The following XIST variants were observed in gnomAD, a reference collection of about 807,000 sequenced individuals.
The protein encoded by XIST is X inactive specific transcript.
chrX:73,839,132 A>G (rs1223557699), intron 1 of XIST, among the ~76,000 whole-genome samples: 1 of 111,784 alleles, frequency 8.9e-6, no homozygotes, highest in Non-Finnish European at 1.9e-5. Context: ...TTCAAGCTGT[A>G]CATTTGATAA....
At chrX:73,820,848 T>C in exon 6 of XIST, 1 of 558,951 alleles carries the variant, frequency 1.8e-6, no homozygotes, top group Admixed American at 2.2e-5. Context: ...GAGTCTTCCA[T>C]TTATCTTAGC....
exon 1 of XIST, chrX:73,846,657 C>A (rs780151604): frequency 9.9e-5 from 55 of 557,541 alleles, no homozygotes; most frequent in Non-Finnish European, 1.6e-4. Context: ...GCACTTCCTG[C>A]TGGAAGGGAA....
rs775391701 is a variant in XIST, at chrX:73,825,882, GA to G, written n.14018del. The G allele has an allele frequency of 3.8e-5, 21 of 558,588 alleles. No individual in the cohort carries two copies. In the Admixed American group the frequency reaches 3.8e-4, roughly 10 times the overall value. The allele number at this position is 558,588 out of a possible 1,213,427, so 46.0% of individuals were successfully genotyped here. The stretch of plus-strand genomic sequence containing the variant: ...AATCAACTTCCCACATAAACAGGAA[GA>G]AAAAAATCAAGGAAAGTATTAAACA... On this transcript the variant is annotated non_coding_transcript_exon_variant, in exon 6 of 6. Transcript: ENST00000429829.
chrX:73,829,381 A>G (rs1018722171), intron 4 of XIST: 1 of 415,081 alleles, frequency 2.4e-6, no homozygotes, highest in African/African-American at 2.5e-5. Flanking sequence ...CTTTAGAGAG[A>G]AAATTTCCTC....
At chrX:73,824,536 T>C in exon 6 of XIST, 1 of 555,304 alleles carries the variant, frequency 1.8e-6, no homozygotes, top group Non-Finnish European at 3.3e-6. Flanking sequence ...ATTTAACAGG[T>C]ATTTAAACCC....
At chrX:73,845,697 G>A (rs769110885) in exon 1 of XIST, 5 of 552,850 alleles carry the variant, frequency 9.0e-6, no homozygotes, top group South Asian at 6.7e-5. Flanking sequence ...GCACATTAAT[G>A]TCCAATAATG....
chrX:73,832,106 G>A (rs905322810), intron 3 of XIST, among the ~76,000 whole-genome samples: 1 of 111,822 alleles, frequency 8.9e-6, no homozygotes, highest in Non-Finnish European at 1.9e-5. Context: ...AGGTCGAGGC[G>A]GGTGAATCAC....
At chrX:73,849,209 G>A (rs1332573711) in exon 1 of XIST, 1 of 557,463 alleles carries the variant, frequency 1.8e-6, no homozygotes. Context: ...AATTGTCCAA[G>A]AACAGCAGGA....
chrX:73,826,461 T>C (rs1361608142), exon 6 of XIST: 1 of 556,723 alleles, frequency 1.8e-6, no homozygotes, highest in Non-Finnish European at 3.2e-6. Flanking sequence ...GCCTAACAAA[T>C]AGGTAAAAGC....
chrX:73,824,177 T>A, exon 6 of XIST: 1 of 516,330 alleles, frequency 1.9e-6, no homozygotes, highest in East Asian at 3.6e-5. Flanking sequence ...ATAAAGATGG[T>A]TTATCTTTGC....
At chrX:73,823,001 G>C (rs765303431) in exon 6 of XIST, 3 of 554,560 alleles carry the variant, frequency 5.4e-6, no homozygotes, top group Non-Finnish European at 6.5e-6. Flanking sequence ...CTTAAGAACA[G>C]CACTTTATTC....
exon 1 of XIST, chrX:73,850,959 G>C (rs774908808): frequency 2.0e-5 from 11 of 557,377 alleles, no homozygotes; most frequent in Non-Finnish European, 3.2e-5. Flanking sequence ...CCGCCCACTG[G>C]GAGACATACA....
At chrX:73,841,708 T>C (rs1002317402) in exon 1 of XIST, 5 of 515,271 alleles carry the variant, frequency 9.7e-6, no homozygotes, top group African/African-American at 6.9e-5. Flanking sequence ...ACTCGTCTTA[T>C]CATTTTTAAG....
chrX:73,851,588 A>G, exon 1 of XIST: 1 of 558,716 alleles, frequency 1.8e-6, no homozygotes, highest in South Asian at 2.2e-5. Context: ...GTCTTTCCTA[A>G]CCTTCCATTT....
chrX:73,826,040 C>G, exon 6 of XIST: 1 of 558,865 alleles, frequency 1.8e-6, no homozygotes. Context: ...CCCCTTGGGA[C>G]CTCGCTTTGT....
exon 6 of XIST, chrX:73,827,795 A>T: frequency 1.9e-6 from 1 of 536,403 alleles, no homozygotes; most frequent in Non-Finnish European, 3.4e-6. Flanking sequence ...GCAAAGAGAA[A>T]TAGCAACAAA....
exon 1 of XIST, chrX:73,843,727 T>C (rs1265499264): frequency 5.4e-6 from 3 of 556,645 alleles, no homozygotes; most frequent in Non-Finnish European, 9.7e-6. Flanking sequence ...AGTGACAGTC[T>C]TGAGTAGTGG....
At chrX:73,841,884 G>C (rs1922597728) in exon 1 of XIST, 1 of 515,650 alleles carries the variant, frequency 1.9e-6, no homozygotes, top group East Asian at 3.6e-5. Flanking sequence ...AAATAAGTAG[G>C]GGCAGGTGCT....
chrX:73,827,668 A>C (rs1271240846), exon 6 of XIST: 4 of 547,951 alleles, frequency 7.3e-6, no homozygotes, highest in Non-Finnish European at 1.3e-5. Context: ...AAGAGAAAAG[A>C]GAGGTAGGCA....
Sources: allele counts gnomAD v4.1 joint callset (sites outside exome capture counted in the v4.1 genomes callset), GRCh38; gene constraint gnomAD v4.1.1; transcripts MANE v1.5; gene names NCBI Gene and HGNC (gene_info 2026-07-23, HGNC 2026-07-21).